The following ORC3 variants were observed in gnomAD, a reference collection of about 807,000 sequenced individuals.
ORC3 encodes the protein origin recognition complex subunit 3.
Under a neutral mutation model 100.7 loss-of-function variants are expected in ORC3, and 78 were observed. The ratio of observed to expected loss-of-function variants is 0.77; its 90% CI spans 0.65 to 0.94. The LOEUF is 0.94. ORC3 is among the 40% of genes least tolerant of loss of function. The pLI, the probability that ORC3 is intolerant of heterozygous loss-of-function variation, is 0.00. For missense variants in ORC3, 789 were observed against 823.9 expected (o/e 0.96, Z 0.52); for synonymous variants, 295 against 289.3 (o/e 1.02, Z -0.20).
intron 13 of ORC3, among the ~76,000 whole-genome samples, chr6:87,646,202 G>A (rs1768774831): frequency 6.6e-6 from 1 of 151,784 alleles, no homozygotes; most frequent in Admixed American, 6.6e-5. Context: ...TAGCCAGGAT[G>A]GTCTCGATCT....
chr6:87,622,110 C>A, intron 11 of ORC3, 97 bp downstream of exon 11: 2 of 800,288 alleles, frequency 2.5e-6, no homozygotes, highest in Non-Finnish European at 4.2e-6. Flanking sequence ...CATATTTGTG[C>A]ATCTTAATAT....
rs747776229 is a variant in ORC3, at chr6:87,621,396, C to T, written c.1030C>T (p.Leu344=). ...TTTCTATTCCCAGCCCTTAAGTGTC[C>T]TGTGCTGTAATCTTCCAGAAGCCAA... The part of the protein sequence containing the change: ...EHFYSQPLSV[L]CCNLPEAKRR... The change falls in exon 10 of 20, where the codon CTG becomes TTG. Residue 344 remains leucine (L), a synonymous_variant. Coordinates refer to ENST00000392844, the MANE Select transcript of ORC3 (RefSeq NM_012381.4). 5.6e-6 allele frequency: 9 copies of T among 1,596,222 alleles called. No homozygotes were observed. The highest frequency in any genetic ancestry group is 7.7e-6 in the Non-Finnish European group (9 of 1,172,956).
intron 16 of ORC3, among the ~76,000 whole-genome samples, chr6:87,660,602 G>A (rs1049916152): frequency 5.9e-5 from 9 of 152,316 alleles, no homozygotes; most frequent in Admixed American, 2.6e-4. Flanking sequence ...AAAAATACTG[G>A]CAGGCAAGAA....
intron 1 of ORC3, among the ~76,000 whole-genome samples, 181 bp from the exon 2 acceptor site, chr6:87,594,172 T>G (rs1297081549): frequency 6.6e-6 from 1 of 152,212 alleles, no homozygotes; most frequent in Non-Finnish European, 1.5e-5. Flanking sequence ...CCTTGTTGTT[T>G]TAGAATTTTC....
At chr6:87,655,240 A>C (rs1393718923) in intron 14 of ORC3, among the ~76,000 whole-genome samples, 1 of 152,044 alleles carries the variant, frequency 6.6e-6, no homozygotes, top group Non-Finnish European at 1.5e-5. Context: ...GCTTAAGTGC[A>C]GTTGTGCAGT....
intron 5 of ORC3, among the ~76,000 whole-genome samples, chr6:87,606,444 G>A (rs1191101562): frequency 6.6e-6 from 1 of 152,050 alleles, no homozygotes; most frequent in Non-Finnish European, 1.5e-5. Context: ...AGCCACCATG[G>A]TGAAAAATAG....
chr6:87,663,447 A>C (rs1314138095), intron 17 of ORC3, among the ~76,000 whole-genome samples: 2 of 152,240 alleles, frequency 1.3e-5, no homozygotes, highest in African/African-American at 2.4e-5. Context: ...CTCTTGTGAA[A>C]ATAAAAGAAA....
intron 13 of ORC3, 80 bp downstream of exon 13, chr6:87,636,566 C>T: frequency 1.2e-6 from 1 of 835,930 alleles, no homozygotes; most frequent in African/African-American, 1.7e-5. Context: ...TAGAACCCTG[C>T]CTGCCAAAAA....
chr6:87,636,268 A>G, intron 12 of ORC3, 139 bp from the exon 13 acceptor site: 3 of 603,796 alleles, frequency 5.0e-6, no homozygotes, highest in Non-Finnish European at 8.9e-6. Flanking sequence ...TCCATGAGAT[A>G]TATGCCAAGT....
rs758714956 is a variant in ORC3, at chr6:87,603,369, G to T, written c.178-15G>T. ...TTATTTCTAATAATAATAAGTTTTT[G>T]TGTGTTCTTTGTAGCGACTACAAGA... On this transcript the variant is annotated splice_polypyrimidine_tract_variant and intron_variant, in intron 3 of 19. Coordinates refer to ENST00000392844, the MANE Select transcript of ORC3 (RefSeq NM_012381.4). 3 of 1,369,404 alleles carry T rather than the reference G, an allele frequency of 2.2e-6. No homozygotes were observed. Among genetic ancestry groups the T allele is most frequent in the African/African-American group, 1.4e-5 (1 of 69,812 alleles). 84.8% of individuals were successfully genotyped at this position (1,369,404 alleles called of 1,614,324 possible). A position where few individuals can be genotyped will look rare whatever the true frequency, so the allele number is the denominator to read the frequency against.
chr6:87,653,671 A>C (rs1769448527), intron 14 of ORC3, among the ~76,000 whole-genome samples: 1 of 152,332 alleles, frequency 6.6e-6, no homozygotes, highest in South Asian at 2.1e-4. Context: ...TTGAAAAATT[A>C]ATAGCTATGA....
intron 11 of ORC3, among the ~76,000 whole-genome samples, chr6:87,622,520 G>A (rs1016798543): frequency 6.6e-6 from 1 of 151,972 alleles, no homozygotes; most frequent in African/African-American, 2.4e-5. Context: ...TACAACATAA[G>A]GAATATCAAA....
chr6:87,608,083 A>T (rs546133955), intron 6 of ORC3, among the ~76,000 whole-genome samples: 1 of 152,230 alleles, frequency 6.6e-6, no homozygotes, highest in South Asian at 2.1e-4. Context: ...CTCTAATGAC[A>T]AAAACAGAGC....
intron 2 of ORC3, among the ~76,000 whole-genome samples, chr6:87,596,939 T>A (rs1475609105): frequency 2.6e-5 from 4 of 152,202 alleles, no homozygotes; most frequent in Non-Finnish European, 5.9e-5. Context: ...CCAGTGGCAG[T>A]ATCTTACATA....
At position 87,647,249 on chromosome 6, in the gene ORC3, C is replaced by T. The variant is rs752298909; in HGVS notation, c.1383-5867C>T. 4.2e-4 allele frequency among the ~76,000 whole-genome samples: 64 copies of T among 152,264 alleles called. 1 individual carries two copies. Among genetic ancestry groups the T allele is most frequent in the Non-Finnish European group, 8.1e-4 (55 of 68,034 alleles). On this transcript the variant is annotated intron_variant, in intron 13 of 19. Coordinates refer to ENST00000392844, the MANE Select transcript of ORC3 (RefSeq NM_012381.4). ...ACAGTGACACTATGTGACTGCCCCC[C>T]TCCTCTCCCCACATGGCCTCTCTCT... is the stretch of plus-strand genomic sequence containing the variant.
intron 11 of ORC3, among the ~76,000 whole-genome samples, chr6:87,623,421 G>T (rs1174071530): frequency 6.6e-6 from 1 of 152,192 alleles, no homozygotes; most frequent in Non-Finnish European, 1.5e-5. Context: ...CTGAGTCTTT[G>T]GAGATTAGCT....
chr6:87,667,670 T>C (rs1468769868), downstream of ORC3, among the ~76,000 whole-genome samples: 1 of 151,492 alleles, frequency 6.6e-6, no homozygotes, highest in East Asian at 1.9e-4. Context: ...GGCTCACACC[T>C]GTAATCCCAG....
intron 1 of ORC3, among the ~76,000 whole-genome samples, chr6:87,592,564 G>A (rs1400403486): frequency 6.6e-6 from 1 of 152,104 alleles, no homozygotes; most frequent in Non-Finnish European, 1.5e-5. Flanking sequence ...GGGAGGTAGA[G>A]GTTACAGTGA....
At chr6:87,656,763 C>A in intron 14 of ORC3, 143 bp from the exon 15 acceptor site, 1 of 541,808 alleles carries the variant, frequency 1.8e-6, no homozygotes. Flanking sequence ...TGTAAGAAAT[C>A]ATTTATCAGA....
Sources: gnomAD v4.1 joint callset for allele counts (sites outside exome capture counted in the v4.1 genomes callset) on GRCh38, gnomAD v4.1.1 for gene constraint, MANE v1.5 for transcripts, NCBI Gene and HGNC (gene_info 2026-07-23, HGNC 2026-07-21) for gene names.